The following SH3GL3 variants were observed in gnomAD, a reference collection of about 807,000 sequenced individuals.
SH3GL3 encodes the protein SH3 domain containing GRB2 like 3, endophilin A3.
A neutral mutation model predicts 47.7 loss-of-function variants in SH3GL3; 33 were observed. That is an observed-to-expected ratio of 0.69 (90% CI 0.52 to 0.92). The LOEUF (loss-of-function observed/expected upper bound fraction) is 0.92. Ranked by LOEUF, SH3GL3 falls within the 40% of genes least tolerant of loss-of-function variation. SH3GL3 has a pLI of 0.00. For synonymous variants in SH3GL3, 155 were observed against 148.8 expected (o/e 1.04, Z -0.30); for missense variants, 363 against 417.8 (o/e 0.87, Z 1.14).
intron 4 of SH3GL3, 140 bp downstream of exon 4, chr15:83,568,812 G>A (rs1451089392): frequency 2.3e-5 from 12 of 518,846 alleles, no homozygotes; most frequent in South Asian, 6.2e-5. Context: ...AGGAGGTTTA[G>A]AAAACATAGG....
chr15:83,525,438 T>C (rs896930738), intron 1 of SH3GL3, among the ~76,000 whole-genome samples: 8 of 152,016 alleles, frequency 5.3e-5, no homozygotes, highest in African/African-American at 1.7e-4. Flanking sequence ...GTTAGATGAA[T>C]AGTTTGTGAA....
chr15:83,453,492 A>G (rs1422391173), intron 1 of SH3GL3, among the ~76,000 whole-genome samples: 2 of 144,082 alleles, frequency 1.4e-5, no homozygotes, highest in East Asian at 4.2e-4. Flanking sequence ...AGAGCCTGTT[A>G]TTGGTCTATT....
rs889143733 is a variant in SH3GL3 at position 83,559,881 on chromosome 15, T to G, written c.114+560T>G. On this transcript the variant is annotated intron_variant, in intron 2 of 8. Transcript: ENST00000427482. ...TCTCACATGGATTTTGTGAGAATTA[T>G]GCAAACATTAACGTATTTGAAATAA... Among the ~76,000 whole-genome samples, 5 of 152,352 alleles carry G rather than the reference T, an allele frequency of 3.3e-5. No individual in the cohort carries two copies. In the East Asian group the frequency reaches 9.7e-4, roughly 29 times the overall value.
intron 1 of SH3GL3, among the ~76,000 whole-genome samples, chr15:83,526,050 C>A (rs1039807195): frequency 6.6e-6 from 1 of 152,008 alleles, no homozygotes. Flanking sequence ...GTTTCTATTT[C>A]TATAAAAAAT....
Position 83,447,542 on chromosome 15 carries a change from G to A in SH3GL3, c.9G>A (p.Val3=). The A allele has an allele frequency of 6.6e-7, 1 of 1,505,934 alleles. No homozygotes were observed. Among genetic ancestry groups the A allele is most frequent in the Non-Finnish European group, 8.9e-7 (1 of 1,125,290 alleles). 93.3% of individuals were successfully genotyped at this position (1,505,934 alleles called of 1,614,324 possible). ...TGCCGGTCGCAGTCGCGATGTCGGT[G>A]GCCGGGCTGAAGAAGCAGTTCCACA... MS[V]AGLKKQFHKA... Residue 3 remains valine (V), a synonymous_variant, in exon 1 of 9, where the codon GTG becomes GTA. Transcript: ENST00000427482. This position sits in a 1 kb window ranked among gnomAD's most constrained non-coding sequence, Gnocchi z 5.1.
At chr15:83,615,524 G>A (rs968331557) in intron 8 of SH3GL3, among the ~76,000 whole-genome samples, 2 of 151,976 alleles carry the variant, frequency 1.3e-5, no homozygotes, top group Admixed American at 6.6e-5. Context: ...GTTGGCCAGG[G>A]TGGTCTCAAA....
Position 83,447,439 on chromosome 15 carries a change from G to C in SH3GL3, c.-95G>C. 1 of 1,108,092 alleles carries C rather than the reference G, an allele frequency of 9.0e-7. No individual in the cohort carries two copies. The highest frequency in any genetic ancestry group is 1.2e-6 in the Non-Finnish European group (1 of 851,306). 68.6% of individuals were successfully genotyped at this position (1,108,092 alleles called of 1,614,324 possible). On this transcript the variant is annotated 5_prime_UTR_variant, in exon 1 of 9. Transcript: ENST00000427482. The surrounding 1 kb of genome is among the most constrained non-coding windows in gnomAD (Gnocchi z 5.1). The stretch of plus-strand genomic sequence containing the variant: ...CGGGCCCGGCGGAGCCCAGCCGCGG[G>C]GGGACCGGCCCGGGCTCCCGCTCCC...
intron 1 of SH3GL3, among the ~76,000 whole-genome samples, chr15:83,558,837 T>G (rs1023743287): frequency 6.6e-6 from 1 of 152,244 alleles, no homozygotes; most frequent in Non-Finnish European, 1.5e-5. Context: ...ATTCTGTGCA[T>G]CACTGAAGTG....
At chr15:83,457,090 C>T (rs540297281) in intron 1 of SH3GL3, among the ~76,000 whole-genome samples, 3 of 152,308 alleles carry the variant, frequency 2.0e-5, no homozygotes, top group African/African-American at 7.2e-5. Flanking sequence ...TTTTTCTTGA[C>T]AGCATTTATT....
rs143127825 is a variant in SH3GL3 at position 83,592,001 on chromosome 15, G to A, written c.838+3230G>A. 1.2e-3 allele frequency among the ~76,000 whole-genome samples: 186 copies of A among 152,290 alleles called. 4 individuals are homozygous for A. In the East Asian group the frequency reaches 0.032, roughly 26 times the overall value. ...TGTATACATTTTTAAAAAAAACATG[G>A]TGCAAGCTTTTTCGTGAGAAATGGC... On this transcript the variant is annotated intron_variant, in intron 8 of 8. Transcript: ENST00000427482.
intron 1 of SH3GL3, among the ~76,000 whole-genome samples, chr15:83,551,518 T>C (rs2044668589): frequency 6.6e-6 from 1 of 152,214 alleles, no homozygotes; most frequent in Admixed American, 6.5e-5. Context: ...CTTCAAACTA[T>C]GTGTCCCCTG....
chr15:83,457,593 G>A (rs796893121), intron 1 of SH3GL3, among the ~76,000 whole-genome samples: 14 of 152,284 alleles, frequency 9.2e-5, no homozygotes, highest in African/African-American at 3.4e-4. Flanking sequence ...CTCTAGGGAG[G>A]CAATGAATGT....
chr15:83,576,921 A>ATTTTTT lies in SH3GL3; in HGVS notation c.624+189_624+194dup, dbSNP rs71156087. On this transcript the variant is annotated intron_variant, in intron 6 of 8. Coordinates refer to ENST00000427482, the MANE Select transcript of SH3GL3 (RefSeq NM_003027.5). ...TGATGAGCTTAAAAAAAAAATCATAATTTTTTTTTTTTTTGAGACGCTGTC... is the reference window on the plus strand; with the variant it reads ...TGATGAGCTTAAAAAAAAAATCATAATTTTTTTTTTTTTTTTTTTTGAGACGCTGTC... 1.0e-4 allele frequency among the ~76,000 whole-genome samples: 9 copies of ATTTTTT among 86,564 alleles called. 1 individual carries two copies. The highest frequency in any genetic ancestry group is 2.4e-4 in the African/African-American group (5 of 20,746). 56.8% of individuals were successfully genotyped at this position (86,564 alleles called of 152,430 possible). A position where few individuals can be genotyped will look rare whatever the true frequency, so the allele number is the denominator to read the frequency against.
In SH3GL3 at chr15:83,448,576, G is replaced by A. The variant is rs144364525; in HGVS notation, c.45+998G>A. On this transcript the variant is annotated intron_variant, in intron 1 of 8. Transcript: ENST00000427482. The surrounding 1 kb of genome is among the most constrained non-coding windows in gnomAD (Gnocchi z 4.2). ...GTAAAACCTGTTCCCCACCAGCACCGCTGGGTCTGTTGCTTCTCACCACCT... is the reference window on the plus strand; with the variant it reads ...GTAAAACCTGTTCCCCACCAGCACCACTGGGTCTGTTGCTTCTCACCACCT... 3.7e-3 allele frequency among the ~76,000 whole-genome samples: 566 copies of A among 151,870 alleles called. 4 individuals are homozygous for A. The highest frequency in any genetic ancestry group is 0.013 in the African/African-American group (528 of 41,400).
Position 83,593,958 on chromosome 15 carries a change from A to G in SH3GL3, c.838+5187A>G, listed in dbSNP as rs2060173985. On this transcript the variant is annotated intron_variant, in intron 8 of 8. Coordinates refer to ENST00000427482, the MANE Select transcript of SH3GL3 (RefSeq NM_003027.5). Reference sequence around the variant, plus strand: ...GTTAGCCTCCCACATAGCTGGGACTATAGGCACACACCACCAAGCCTGGCT... The same window carrying G: ...GTTAGCCTCCCACATAGCTGGGACTGTAGGCACACACCACCAAGCCTGGCT... 2.0e-5 allele frequency among the ~76,000 whole-genome samples: 3 copies of G among 152,142 alleles called. No individual in the cohort carries two copies. In the South Asian group the frequency reaches 6.2e-4, roughly 31 times the overall value.
At chr15:83,499,032 T>A (rs923838003) in intron 1 of SH3GL3, among the ~76,000 whole-genome samples, 2 of 152,210 alleles carry the variant, frequency 1.3e-5, no homozygotes, top group African/African-American at 2.4e-5. Context: ...GTTGAAGCAT[T>A]ACCTGCTGCT....
chr15:83,591,168 CA>C (rs1052910729), intron 8 of SH3GL3, among the ~76,000 whole-genome samples: 2 of 152,024 alleles, frequency 1.3e-5, no homozygotes, highest in Non-Finnish European at 2.9e-5. Flanking sequence ...CCACAATGCC[CA>C]GCTAATTTTT....
chr15:83,617,943 G>A, intron 8 of SH3GL3, 139 bp from the exon 9 acceptor site: 1 of 637,644 alleles, frequency 1.6e-6, no homozygotes, highest in Non-Finnish European at 2.8e-6. Context: ...ACGGCACCGT[G>A]AGCTGGGTGG....
intron 3 of SH3GL3, 139 bp from the exon 4 acceptor site, chr15:83,568,390 C>T (rs1172777091): frequency 6.5e-6 from 4 of 612,090 alleles, no homozygotes; most frequent in East Asian, 5.7e-5. Context: ...AAATAGTTCA[C>T]ACACAATTGT....
Sources: gnomAD v4.1 joint callset for allele counts (sites outside exome capture counted in the v4.1 genomes callset) on GRCh38, gnomAD v4.1.1 for gene constraint, Gnocchi (gnomAD v3.1) non-coding constraint, MANE v1.5 for transcripts, NCBI Gene and HGNC (gene_info 2026-07-23, HGNC 2026-07-21) for gene names.